Variants in NLGN1 observed in about 807,000 individuals in gnomAD.
The protein encoded by NLGN1 is neuroligin-1.
A neutral mutation model predicts 65.5 loss-of-function variants in NLGN1; 12 were observed. The ratio of observed to expected loss-of-function variants is 0.18; its 90% CI spans 0.12 to 0.30. NLGN1 has a LOEUF of 0.30. NLGN1 is among the 10% of genes least tolerant of loss of function. The pLI is 1.00. For synonymous variants in NLGN1, 350 were observed against 359.5 expected (o/e 0.97, Z 0.30); for missense variants, 750 against 1,007.1 (o/e 0.74, Z 3.46).
intron 4 of NLGN1, among the ~76,000 whole-genome samples, chr3:173,879,240 A>G (rs922322215): frequency 2.0e-5 from 3 of 151,718 alleles, no homozygotes; most frequent in African/African-American, 7.3e-5. Context: ...TCAGACAAAA[A>G]AAAAAAGAAA....
intron 2 of NLGN1, among the ~76,000 whole-genome samples, chr3:173,460,307 TACCCACATG>T (rs925305655): frequency 4.6e-5 from 7 of 152,144 alleles, no homozygotes; most frequent in Non-Finnish European, 8.8e-5. Context: ...TAACTAATAC[TACCCACATG>T]ACCCTCAGAA....
chr3:173,740,238 A>G (rs1335475219), intron 3 of NLGN1, among the ~76,000 whole-genome samples: 1 of 152,112 alleles, frequency 6.6e-6, no homozygotes, highest in East Asian at 1.9e-4. Context: ...AATGGAAATT[A>G]CTGGTATATA....
chr3:173,919,755 A>T (rs966984592), intron 4 of NLGN1, among the ~76,000 whole-genome samples: 2 of 151,764 alleles, frequency 1.3e-5, no homozygotes, highest in African/African-American at 4.9e-5. Flanking sequence ...CTTCTGTTGA[A>T]CTAAAAATGA....
chr3:173,772,889 A>G (rs982595511), intron 3 of NLGN1, among the ~76,000 whole-genome samples: 30 of 152,114 alleles, frequency 2.0e-4, no homozygotes, highest in African/African-American at 6.8e-4. Context: ...CCAGCAGGCT[A>G]TAATTCCACC....
At chr3:174,080,635 C>T (rs1741965854) in intron 4 of NLGN1, among the ~76,000 whole-genome samples, 1 of 152,056 alleles carries the variant, frequency 6.6e-6, no homozygotes, top group South Asian at 2.1e-4. Context: ...CTTCCCTTAC[C>T]AGTCGTTCCG....
chr3:173,718,309 C>T (rs996807951), intron 3 of NLGN1, among the ~76,000 whole-genome samples: 3 of 152,124 alleles, frequency 2.0e-5, no homozygotes, highest in Non-Finnish European at 4.4e-5. Context: ...TGCCCCCAAC[C>T]TACCCTTCTG....
chr3:173,460,151 T>C (rs1723132700), intron 2 of NLGN1, among the ~76,000 whole-genome samples: 1 of 152,138 alleles, frequency 6.6e-6, no homozygotes, highest in Admixed American at 6.6e-5. Context: ...AATTGTAATA[T>C]GTAGTTTTAT....
At chr3:173,880,064 T>C (rs962457717) in intron 4 of NLGN1, among the ~76,000 whole-genome samples, 1 of 152,160 alleles carries the variant, frequency 6.6e-6, no homozygotes, top group African/African-American at 2.4e-5. Context: ...TAAAAATATA[T>C]TGTGTGTGAA....
intron 4 of NLGN1, among the ~76,000 whole-genome samples, chr3:174,180,632 A>G (rs1347586465): frequency 1.3e-5 from 2 of 152,128 alleles, no homozygotes; most frequent in East Asian, 1.9e-4. Flanking sequence ...AATAACTCTC[A>G]CTTTTACCAC....
At chr3:173,686,784 C>A (rs1764741505) in intron 3 of NLGN1, among the ~76,000 whole-genome samples, 1 of 152,070 alleles carries the variant, frequency 6.6e-6, no homozygotes, top group Non-Finnish European at 1.5e-5. Context: ...GAAACCCCAT[C>A]TCTACTAAAA....
intron 1 of NLGN1, among the ~76,000 whole-genome samples, chr3:173,418,453 C>T (rs868836157): frequency 1.3e-5 from 2 of 152,056 alleles, no homozygotes; most frequent in Admixed American, 6.5e-5. Context: ...CCATAAAGGT[C>T]ATAGCCCAGT....
At chr3:174,133,989 G>A (rs1031239868) in intron 4 of NLGN1, among the ~76,000 whole-genome samples, 4 of 150,872 alleles carry the variant, frequency 2.7e-5, no homozygotes, top group African/African-American at 7.3e-5. Context: ...TCTAATACCT[G>A]GACAAAGCTT....
intron 4 of NLGN1, among the ~76,000 whole-genome samples, chr3:174,055,509 G>T (rs2152509502): frequency 1.3e-5 from 2 of 152,152 alleles, no homozygotes; most frequent in Middle Eastern, 6.8e-3. Context: ...AGATAAGGCT[G>T]AAGAAAAATC....
At chr3:173,445,518 A>G (rs1169356900) in intron 2 of NLGN1, among the ~76,000 whole-genome samples, 1 of 152,226 alleles carries the variant, frequency 6.6e-6, no homozygotes, top group Non-Finnish European at 1.5e-5. Context: ...TCTCATAGCT[A>G]GTACATGGCT....
intron 4 of NLGN1, among the ~76,000 whole-genome samples, chr3:174,189,719 G>T (rs750128692): frequency 1.9e-5 from 2 of 107,182 alleles, no homozygotes; most frequent in Non-Finnish European, 4.0e-5. Context: ...TAAGTAGTTT[G>T]TTCTCTATAT....
Position 173,753,036 on chromosome 3 carries a change from A to T in NLGN1, c.494-54644A>T, listed in dbSNP as rs139768697. On this transcript the variant is annotated intron_variant, in intron 3 of 6. Coordinates refer to ENST00000457714, the Ensembl canonical transcript of NLGN1. ...CAACTCATGGACATTGTTCAAAAAC[A>T]TTCTACCCACCCGTCTTTTCAGTAC... Among the ~76,000 whole-genome samples the T allele has an allele frequency of 8.5e-5, 13 of 152,196 alleles. No homozygotes were observed. In the East Asian group the frequency reaches 2.5e-3, roughly 29 times the overall value.
At chr3:173,574,473 A>G (rs1745195125) in intron 2 of NLGN1, among the ~76,000 whole-genome samples, 1 of 151,922 alleles carries the variant, frequency 6.6e-6, no homozygotes, top group South Asian at 2.1e-4. Context: ...TTTAAATTAA[A>G]CTCTTTATTA....
At chr3:173,859,016 C>G (rs1393753825) in intron 4 of NLGN1, among the ~76,000 whole-genome samples, 1 of 151,998 alleles carries the variant, frequency 6.6e-6, no homozygotes, top group East Asian at 1.9e-4. Context: ...TGATGTTTCT[C>G]TCTGTATTAA....
chr3:173,784,106 T>C (rs1781596052), intron 3 of NLGN1, among the ~76,000 whole-genome samples: 1 of 152,194 alleles, frequency 6.6e-6, no homozygotes, highest in African/African-American at 2.4e-5. Context: ...ATGTGCCAGG[T>C]AATGTACTCA....
Sources: allele counts gnomAD v4.1 joint callset (sites outside exome capture counted in the v4.1 genomes callset), GRCh38; gene constraint gnomAD v4.1.1; transcripts MANE v1.5; gene names NCBI Gene and HGNC (gene_info 2026-07-23, HGNC 2026-07-21).